The following ADAMTS17 variants were observed in gnomAD, a reference collection of about 807,000 sequenced individuals.
ADAMTS17 encodes the protein ADAM metallopeptidase with thrombospondin type 1 motif 17.
ADAMTS17 carries 113 observed loss-of-function variants against 141.5 expected under a neutral mutation model. The observed-to-expected ratio is 0.80, with a 90% CI of 0.69 to 0.93. The LOEUF is 0.93. ADAMTS17 is among the 40% of genes least tolerant of loss of function. The probability of loss-of-function intolerance (pLI) is 0.00; values close to 1 mark genes in which losing one functional copy is unlikely to be tolerated. For synonymous variants in ADAMTS17, 768 were observed against 630.6 expected, an observed-to-expected ratio of 1.22 and a Z score of -3.27; for missense variants, 1,659 against 1,517.9, an observed-to-expected ratio of 1.09 and a Z score of -1.54.
chr15:100,125,718 T>C (rs74037402), intron 12 of ADAMTS17, among the ~76,000 whole-genome samples: 2,893 of 152,226 alleles, frequency 0.019, 98 homozygotes, highest in African/African-American at 0.064. Context: ...ACATAAATTA[T>C]AGCAGGAAAG....
chr15:100,113,096 G>C (rs1022756494), intron 13 of ADAMTS17, among the ~76,000 whole-genome samples: 2 of 152,120 alleles, frequency 1.3e-5, no homozygotes, highest in African/African-American at 4.8e-5. Context: ...TGCCCAACCC[G>C]GCCCCCTCAT....
At chr15:100,147,404 G>A (rs575083604) in intron 10 of ADAMTS17, among the ~76,000 whole-genome samples, 2 of 152,092 alleles carry the variant, frequency 1.3e-5, no homozygotes, top group Non-Finnish European at 1.5e-5. Flanking sequence ...AAACCTAGAC[G>A]GCATAACCTA....
At chr15:100,249,302 G>C (rs2043080612) in intron 7 of ADAMTS17, among the ~76,000 whole-genome samples, 1 of 152,226 alleles carries the variant, frequency 6.6e-6, no homozygotes, top group Admixed American at 6.5e-5. Flanking sequence ...GATCTGAAGG[G>C]TGCAGTGGGC....
At chr15:100,330,851 G>C (rs372507296) in intron 3 of ADAMTS17, 38 bp downstream of exon 3, 9 of 1,609,264 alleles carry the variant, frequency 5.6e-6, no homozygotes, top group South Asian at 1.1e-5. Context: ...TGGGCTGTGC[G>C]TGTGTTCTAA....
intron 7 of ADAMTS17, among the ~76,000 whole-genome samples, chr15:100,234,894 G>A (rs1361763062): frequency 2.0e-5 from 3 of 152,150 alleles, no homozygotes; most frequent in Non-Finnish European, 4.4e-5. Context: ...GTAACCACGG[G>A]GTAGAGGAGA....
At chr15:100,154,965 T>G (rs2039361432) in intron 9 of ADAMTS17, among the ~76,000 whole-genome samples, 2 of 152,124 alleles carry the variant, frequency 1.3e-5, no homozygotes, top group Non-Finnish European at 2.9e-5. Context: ...AATTACGTAA[T>G]GATCACCCAC....
At chr15:100,169,792 G>A (rs1189880561) in intron 8 of ADAMTS17, among the ~76,000 whole-genome samples, 1 of 152,196 alleles carries the variant, frequency 6.6e-6, no homozygotes, top group African/African-American at 2.4e-5. Flanking sequence ...ATCTGGTCAC[G>A]GGGCACTGGG....
At chr15:100,140,538 G>A (rs868859388) in intron 10 of ADAMTS17, among the ~76,000 whole-genome samples, 4 of 134,876 alleles carry the variant, frequency 3.0e-5, no homozygotes, top group Admixed American at 7.5e-5. Flanking sequence ...TGTATGAATG[G>A]GATGAATACT....
chr15:100,152,687 C>G lies in ADAMTS17; in HGVS notation c.1398G>C (p.Pro466=). The G allele has an allele frequency of 6.2e-7, 1 of 1,614,156 alleles. No homozygotes were observed. Among genetic ancestry groups the G allele is most frequent in the Non-Finnish European group, 8.5e-7 (1 of 1,180,030 alleles). Residue 466 remains proline (P), a synonymous_variant, in exon 10 of 22, where the codon CCG becomes CCC. Coordinates refer to ENST00000268070, the MANE Select transcript of ADAMTS17 (RefSeq NM_139057.4). ...GCTCGTTGGCACTGTAGTGCATGCCCGGCAGCTTGTGCGGGAGGCGTACTG... is the reference window on the plus strand; with the variant it reads ...GCTCGTTGGCACTGTAGTGCATGCCGGGCAGCTTGTGCGGGAGGCGTACTG... ...QHTVRLPHKL[P]GMHYSANEQC...
At chr15:100,307,212 A>G (rs59556273) in intron 3 of ADAMTS17, among the ~76,000 whole-genome samples, 19,515 of 152,146 alleles carry the variant, frequency 0.13, 1,411 homozygotes, top group African/African-American at 0.2. Context: ...TGACCACGTT[A>G]TAGGACAGGA....
At chr15:100,262,236 A>G in intron 5 of ADAMTS17, 116 bp downstream of exon 5, 1 of 917,786 alleles carries the variant, frequency 1.1e-6, no homozygotes, top group Admixed American at 2.0e-5. Flanking sequence ...GCAAAGCCAC[A>G]GAGAGTGACG....
chr15:99,987,338 C>T (rs533724859), intron 20 of ADAMTS17, among the ~76,000 whole-genome samples: 7 of 152,308 alleles, frequency 4.6e-5, no homozygotes, highest in East Asian at 1.9e-4. Flanking sequence ...GCTGCTGCTG[C>T]GGTGTTTGCC....
At chr15:100,054,266 T>A (rs923357879) in intron 15 of ADAMTS17, among the ~76,000 whole-genome samples, 2 of 152,020 alleles carry the variant, frequency 1.3e-5, no homozygotes, top group East Asian at 3.9e-4. Flanking sequence ...ACCCCTAGGA[T>A]CCCCAGGGAG....
intron 7 of ADAMTS17, among the ~76,000 whole-genome samples, chr15:100,225,782 ACAGCAGTCACGGCCTCTGTGCCCACTCT>A (rs2042286240): frequency 1.4e-5 from 2 of 142,668 alleles, no homozygotes; most frequent in Non-Finnish European, 3.0e-5. Context: ...TTCTGTCCTT[ACAGCAGTCACGGCCTCTGTGCCCACTCT>A]GTCCTTACAG....
intron 6 of ADAMTS17, among the ~76,000 whole-genome samples, chr15:100,259,028 G>C (rs28520419): frequency 0.095 from 14,436 of 152,154 alleles, 1,851 homozygotes; most frequent in African/African-American, 0.29. Flanking sequence ...GCAGGAAAGA[G>C]AGAAAACTTT....
Position 100,260,185 on chromosome 15 carries a change from G to A in ADAMTS17, c.1031+1294C>T, listed in dbSNP as rs115961384. 8.7e-3 allele frequency among the ~76,000 whole-genome samples: 1,331 copies of A among 152,260 alleles called. 28 individuals are homozygous for A. Among genetic ancestry groups the A allele is most frequent in the African/African-American group, 0.03 (1,236 of 41,540 alleles). ...GAAAGGAACGAAAGCTGCACTGTCC[G>A]GTGTCTGGGGCTGGGGTCACAGAAC... is the stretch of plus-strand genomic sequence containing the variant. On this transcript the variant is annotated intron_variant, in intron 6 of 21. Coordinates refer to ENST00000268070, the MANE Select transcript of ADAMTS17 (RefSeq NM_139057.4).
chr15:100,150,850 C>T (rs1203530307), intron 10 of ADAMTS17, among the ~76,000 whole-genome samples: 1 of 152,290 alleles, frequency 6.6e-6, no homozygotes, highest in Non-Finnish European at 1.5e-5. Context: ...CTGACATCCT[C>T]CCTGGTATCC....
At chr15:100,334,628 G>A (rs973122443) in intron 2 of ADAMTS17, among the ~76,000 whole-genome samples, 3 of 152,158 alleles carry the variant, frequency 2.0e-5, no homozygotes, top group African/African-American at 7.2e-5. Flanking sequence ...TCTTTCCGTG[G>A]AAGGAGGCTC....
intron 4 of ADAMTS17, among the ~76,000 whole-genome samples, chr15:100,278,566 G>C (rs2142067499): frequency 6.6e-6 from 1 of 152,244 alleles, no homozygotes; most frequent in East Asian, 1.9e-4. Context: ...GGCTCGACAT[G>C]AGGCCTCTAC....
Sources: allele counts gnomAD v4.1 joint callset (sites outside exome capture counted in the v4.1 genomes callset), GRCh38; gene constraint gnomAD v4.1.1; transcripts MANE v1.5; gene names NCBI Gene and HGNC (gene_info 2026-07-23, HGNC 2026-07-21).